Variants in ANTXR2 observed in about 807,000 individuals in gnomAD.
The protein encoded by ANTXR2 is ANTXR cell adhesion molecule 2, also known as anthrax toxin receptor 2.
Under a neutral mutation model 73.7 loss-of-function variants are expected in ANTXR2, and 44 were observed. The observed-to-expected ratio is 0.60, with a 90% CI of 0.47 to 0.77. The LOEUF (loss-of-function observed/expected upper bound fraction) is 0.77, where lower values mean the gene tolerates loss of function less well. Ranked by LOEUF, ANTXR2 falls within the 30% of genes least tolerant of loss-of-function variation. ANTXR2 has a pLI of 0.00. For missense variants in ANTXR2, 604 were observed against 592.5 expected (o/e 1.02, Z -0.20); for synonymous variants, 217 against 205.9 (o/e 1.05, Z -0.46).
chr4:80,052,824 T>A (rs1038227806), intron 7 of ANTXR2, among the ~76,000 whole-genome samples: 1 of 151,624 alleles, frequency 6.6e-6, no homozygotes, highest in Non-Finnish European at 1.5e-5. Context: ...AAAAATTAAA[T>A]GTATCCAACA....
chr4:79,950,550 A>G (rs1445455389), intron 16 of ANTXR2, among the ~76,000 whole-genome samples: 1 of 152,190 alleles, frequency 6.6e-6, no homozygotes, highest in Non-Finnish European at 1.5e-5. Flanking sequence ...GTTTTTGTAC[A>G]TTCCATGCTA....
intron 7 of ANTXR2, among the ~76,000 whole-genome samples, chr4:80,048,570 T>C (rs1199314991): frequency 1.3e-5 from 2 of 151,706 alleles, no homozygotes; most frequent in Non-Finnish European, 3.0e-5. Flanking sequence ...ATTTTACAAA[T>C]AGAAGTTTTC....
chr4:80,017,261 T>A (rs1204806485), intron 11 of ANTXR2, among the ~76,000 whole-genome samples: 1 of 152,222 alleles, frequency 6.6e-6, no homozygotes, highest in Admixed American at 6.5e-5. Context: ...ACTTGTCACC[T>A]CAGGCTTTGC....
chr4:79,977,791 A>G, intron 15 of ANTXR2, 90 bp from the exon 16 acceptor site: 3 of 1,348,982 alleles, frequency 2.2e-6, no homozygotes, highest in South Asian at 1.4e-5. Context: ...AGAAAGTAAA[A>G]TCTTCTTTAC....
At chr4:80,012,860 A>G (rs1692593542) in intron 11 of ANTXR2, among the ~76,000 whole-genome samples, 2 of 152,200 alleles carry the variant, frequency 1.3e-5, no homozygotes, top group Non-Finnish European at 2.9e-5. Context: ...GTATTTGGAT[A>G]AAAGTGCACT....
intron 12 of ANTXR2, among the ~76,000 whole-genome samples, chr4:79,998,460 T>A (rs1219711412): frequency 6.6e-6 from 1 of 152,008 alleles, no homozygotes; most frequent in Admixed American, 6.6e-5. Context: ...CCACCTCATC[T>A]GTAATTCATC....
rs1448849946 is a variant in ANTXR2 at position 79,992,808 on chromosome 4, TC to T, written c.1042-7946del. Among the ~76,000 whole-genome samples, 16 of 152,152 alleles carry T rather than the reference TC, an allele frequency of 1.1e-4. No individual in the cohort carries two copies. The East Asian group carries it at 3.1e-3, about 29-fold the overall frequency. On this transcript the variant is annotated intron_variant, in intron 12 of 16. Transcript: ENST00000403729. ...TAAAAGCTAACATTCCTTCCTATCT[TC>T]CCTGTTTCTTTCAAGTGAATGACTT...
At chr4:79,973,204 CTT>C (rs1729497763) in intron 16 of ANTXR2, among the ~76,000 whole-genome samples, 2 of 152,148 alleles carry the variant, frequency 1.3e-5, no homozygotes, top group Non-Finnish European at 2.9e-5. Flanking sequence ...ATACTGTAAA[CTT>C]ATAAAAAATG....
chr4:79,917,109 C>T (rs553118919), intron 16 of ANTXR2, among the ~76,000 whole-genome samples: 1 of 152,242 alleles, frequency 6.6e-6, no homozygotes, highest in African/African-American at 2.4e-5. Context: ...CGGAGGCCTG[C>T]CAAAAGCATA....
rs1295833920 is a variant in ANTXR2 at position 79,964,336 on chromosome 4, A to G, written c.1428+13285T>C. On this transcript the variant is annotated intron_variant, in intron 16 of 16. Coordinates refer to ENST00000403729, the MANE Select transcript of ANTXR2 (RefSeq NM_058172.6). ...CAAAAAGGAGAACGCATGGTAATGC[A>G]TCATTTATAAATTACCTTGTTACTG... Among the ~76,000 whole-genome samples, 5 of 152,336 alleles carry G rather than the reference A, an allele frequency of 3.3e-5. No homozygotes were observed. In the East Asian group the frequency reaches 9.6e-4, roughly 29 times the overall value.
At position 79,903,590 on chromosome 4, in the gene ANTXR2, C is replaced by T. The variant is rs143107492; in HGVS notation, c.*3839G>A. The T allele has an allele frequency of 3.3e-5, 5 of 152,086 alleles. No individual in the cohort carries two copies. Among genetic ancestry groups the T allele is most frequent in the Admixed American group, 6.6e-5 (1 of 15,252 alleles). 9.4% of individuals were successfully genotyped at this position (152,086 alleles called of 1,614,324 possible). A position where few individuals can be genotyped will look rare whatever the true frequency, so the allele number is the denominator to read the frequency against. On this transcript the variant is annotated 3_prime_UTR_variant, in exon 17 of 17. Coordinates refer to ENST00000403729, the MANE Select transcript of ANTXR2 (RefSeq NM_058172.6). ...CAAAAAAGTCTTTCTTTTATCCGAT[C>T]GACTGAATTAGATTCCAGTAGGTGT... is the stretch of plus-strand genomic sequence containing the variant.
At chr4:79,916,514 C>T (rs990746388) in intron 16 of ANTXR2, among the ~76,000 whole-genome samples, 1 of 151,950 alleles carries the variant, frequency 6.6e-6, no homozygotes, top group African/African-American at 2.4e-5. Flanking sequence ...AATTAGAATA[C>T]AGATCATTTC....
chr4:80,005,417 T>G (rs370239260), intron 12 of ANTXR2, among the ~76,000 whole-genome samples: 2 of 152,226 alleles, frequency 1.3e-5, no homozygotes, highest in East Asian at 3.9e-4. Context: ...GGAATGACAG[T>G]CAAAGTCATA....
chr4:79,926,979 G>GTGCATGTATGTGTATATATATACT (rs1297326048), intron 16 of ANTXR2, among the ~76,000 whole-genome samples: 2 of 43,730 alleles, frequency 4.6e-5, no homozygotes, highest in African/African-American at 8.6e-5. Context: ...GTATATATAC[G>GTGCATGTATGTGTATATATATACT]TGTGCATATA....
intron 7 of ANTXR2, among the ~76,000 whole-genome samples, chr4:80,041,307 A>C (rs1050010978): frequency 1.3e-5 from 2 of 152,026 alleles, no homozygotes; most frequent in African/African-American, 4.8e-5. Flanking sequence ...AACTCTTAAC[A>C]AACTAGTGAA....
intron 16 of ANTXR2, among the ~76,000 whole-genome samples, chr4:79,917,608 T>G (rs755228675): frequency 2.6e-5 from 4 of 152,132 alleles, no homozygotes; most frequent in Non-Finnish European, 5.9e-5. Context: ...GCAAGAGAGA[T>G]AGAGATAACT....
chr4:80,026,431 T>C (rs926753746), intron 10 of ANTXR2, among the ~76,000 whole-genome samples: 1 of 152,176 alleles, frequency 6.6e-6, no homozygotes, highest in South Asian at 2.1e-4. Flanking sequence ...CAGTTCTTTA[T>C]AGCAGTGTGA....
rs1329997361 is a variant in ANTXR2 at position 80,071,611 on chromosome 4, C to T, written c.196G>A (p.Val66Ile). 6.2e-7 allele frequency: 1 copy of T among 1,613,022 alleles called. No homozygotes were observed. Among genetic ancestry groups the T allele is most frequent in the African/African-American group, 1.3e-5 (1 of 74,860 alleles). ...ACAAATCTCTCCGCAAGTTGCTGTA[C>T]GAAATTATAAATTTCAATCCAGTTA... ...ANNWIEIYNF[V>I]QQLAERFVSP... Residue 66 changes from valine (V) to isoleucine (I), a missense_variant, in exon 2 of 17, where the codon GTA (valine) becomes ATA (isoleucine). By Grantham distance (29) the Val-to-Ile change is conservative. Coordinates refer to ENST00000403729, the MANE Select transcript of ANTXR2 (RefSeq NM_058172.6).
At chr4:79,984,767 C>A (rs1730038138) in intron 13 of ANTXR2, 52 bp downstream of exon 13, 1 of 1,486,148 alleles carries the variant, frequency 6.7e-7, no homozygotes, top group Non-Finnish European at 9.3e-7. Flanking sequence ...GGCATGGTAT[C>A]TGCATTTGGA....
Sources: allele counts gnomAD v4.1 joint callset (sites outside exome capture counted in the v4.1 genomes callset), GRCh38; gene constraint gnomAD v4.1.1; transcripts MANE v1.5; gene names NCBI Gene and HGNC (gene_info 2026-07-23, HGNC 2026-07-21).